The following TXNRD1 variants were observed in gnomAD, a reference collection of about 807,000 sequenced individuals.
The protein encoded by TXNRD1 is thioredoxin reductase 1.
TXNRD1 carries 57 observed loss-of-function variants against 80.3 expected under a neutral mutation model. The observed-to-expected ratio is 0.71, with a 90% CI of 0.57 to 0.89. The LOEUF (loss-of-function observed/expected upper bound fraction) is 0.89, where lower values mean the gene tolerates loss of function less well. Among genes scored for constraint, TXNRD1 ranks in the 40% least tolerant of loss-of-function variants. TXNRD1 has a pLI of 0.00. For missense variants in TXNRD1, 730 were observed against 803.0 expected (o/e 0.91, Z 1.10); for synonymous variants, 291 against 285.2 (o/e 1.02, Z -0.20).
chr12:104,311,044 G>C (rs528626836), intron 4 of TXNRD1, among the ~76,000 whole-genome samples: 1 of 152,294 alleles, frequency 6.6e-6, no homozygotes, highest in African/African-American at 2.4e-5. Flanking sequence ...TACTTATGTA[G>C]AGGTACTATA....
At chr12:104,296,056 G>T (rs1035188673) in intron 4 of TXNRD1, among the ~76,000 whole-genome samples, 1 of 151,996 alleles carries the variant, frequency 6.6e-6, no homozygotes, top group Non-Finnish European at 1.5e-5. Flanking sequence ...GAGAATTTAA[G>T]GAGCATGCCC....
At chr12:104,300,967 G>T (rs909491073) in intron 4 of TXNRD1, among the ~76,000 whole-genome samples, 2 of 152,118 alleles carry the variant, frequency 1.3e-5, no homozygotes, top group Non-Finnish European at 2.9e-5. Context: ...TTTTAAAGGT[G>T]GAACATAATG....
At chr12:104,233,522 C>G (rs566226852) in intron 1 of TXNRD1, among the ~76,000 whole-genome samples, 6 of 152,200 alleles carry the variant, frequency 3.9e-5, no homozygotes, top group South Asian at 2.1e-4. Flanking sequence ...CAGGAGTATA[C>G]CTTACTCATT....
chr12:104,218,691 C>G (rs2032278423), intron 1 of TXNRD1, among the ~76,000 whole-genome samples: 1 of 150,576 alleles, frequency 6.6e-6, no homozygotes, highest in East Asian at 2.0e-4. Flanking sequence ...AATCATAGCT[C>G]ATTGCAGCCT....
chr12:104,273,078 G>C (rs879311503), intron 3 of TXNRD1, among the ~76,000 whole-genome samples: 1 of 152,176 alleles, frequency 6.6e-6, no homozygotes, highest in Non-Finnish European at 1.5e-5. Context: ...TATCTGCAAC[G>C]GGTGGTTGGC....
At chr12:104,335,130 T>C (rs1054035147) in intron 15 of TXNRD1, among the ~76,000 whole-genome samples, 9 of 152,074 alleles carry the variant, frequency 5.9e-5, no homozygotes, top group Non-Finnish European at 1.2e-4. Flanking sequence ...CCCACAGATA[T>C]ACTTTATTCA....
At chr12:104,336,025 T>C (rs572853241) in intron 15 of TXNRD1, among the ~76,000 whole-genome samples, 195 of 152,306 alleles carry the variant, frequency 1.3e-3, no homozygotes, top group Non-Finnish European at 1.9e-3. Flanking sequence ...TTAGGCAAAT[T>C]TTCTCAAAAG....
At chr12:104,248,614 C>G (rs1322510249) in intron 1 of TXNRD1, among the ~76,000 whole-genome samples, 4 of 152,086 alleles carry the variant, frequency 2.6e-5, no homozygotes, top group Non-Finnish European at 5.9e-5. Context: ...TGCTTAGGCC[C>G]ATGCCTTGCA....
At position 104,301,219 on chromosome 12, in the gene TXNRD1, A is replaced by T. The variant is rs2034612964; in HGVS notation, c.415-10071A>T. Reference sequence around the variant, plus strand: ...AGGCATTTTGAAATTCTTAGATGAAAGGGTCTTTATGTAGCAAATTGGTGT... The same window carrying T: ...AGGCATTTTGAAATTCTTAGATGAATGGGTCTTTATGTAGCAAATTGGTGT... On this transcript the variant is annotated intron_variant, in intron 4 of 16. Transcript: ENST00000525566. Among the ~76,000 whole-genome samples the T allele has an allele frequency of 2.0e-5, 3 of 152,308 alleles. No homozygotes were observed. In the South Asian group the frequency reaches 6.2e-4, roughly 32 times the overall value.
chr12:104,304,980 TTAGA>T, intron 4 of TXNRD1: 8 of 1,517,784 alleles, frequency 5.3e-6, no homozygotes, highest in Non-Finnish European at 6.2e-6. Context: ...TTTTCTGAAG[TTAGA>T]TGGAGAGTAA....
chr12:104,302,486 CTTTTTTTT>C (rs772202256), intron 4 of TXNRD1, among the ~76,000 whole-genome samples: 4 of 76,226 alleles, frequency 5.2e-5, no homozygotes, highest in Non-Finnish European at 6.8e-5. Context: ...TATTCATTCC[CTTTTTTTT>C]TTTTTTTTTT....
intron 4 of TXNRD1, among the ~76,000 whole-genome samples, chr12:104,302,370 G>A (rs2034659540): frequency 6.6e-6 from 1 of 150,942 alleles, no homozygotes; most frequent in Non-Finnish European, 1.5e-5. Flanking sequence ...TTGGACAGGT[G>A]CAATTGTGGG....
chr12:104,239,434 A>C (rs1027427480), intron 1 of TXNRD1, among the ~76,000 whole-genome samples: 4 of 152,060 alleles, frequency 2.6e-5, no homozygotes, highest in African/African-American at 9.7e-5. Flanking sequence ...ACCTCAGATG[A>C]TCCTCCTGCC....
intron 4 of TXNRD1, chr12:104,304,833 A>G (rs2034824420): frequency 6.2e-7 from 1 of 1,613,904 alleles, no homozygotes; most frequent in East Asian, 2.2e-5. Flanking sequence ...TCCAGTTGCC[A>G]TGGCAGGAAA....
intron 16 of TXNRD1, among the ~76,000 whole-genome samples, chr12:104,340,461 A>C (rs376875911): frequency 4.6e-5 from 7 of 152,304 alleles, no homozygotes; most frequent in African/African-American, 9.6e-5. Flanking sequence ...CCTCCCTCTC[A>C]GTTCTGGAGG....
At chr12:104,282,926 G>C (rs980503116) in intron 3 of TXNRD1, 4 of 152,144 alleles carry the variant, frequency 2.6e-5, no homozygotes, top group Non-Finnish European at 5.9e-5. Context: ...TGAACTGCTG[G>C]CCTGAAGCAA....
chr12:104,293,774 G>T (rs1214919323), intron 4 of TXNRD1, among the ~76,000 whole-genome samples: 1 of 152,192 alleles, frequency 6.6e-6, no homozygotes, highest in African/African-American at 2.4e-5. Context: ...CTGGGCCCGG[G>T]GGACCGCTAC....
chr12:104,342,287 C>T (rs2036352870), intron 16 of TXNRD1, among the ~76,000 whole-genome samples: 1 of 152,102 alleles, frequency 6.6e-6, no homozygotes, highest in South Asian at 2.1e-4. Flanking sequence ...AGGGCCCCAC[C>T]AAGAGTCACA....
intron 5 of TXNRD1, among the ~76,000 whole-genome samples, chr12:104,311,936 G>T (rs946893737): frequency 6.6e-6 from 1 of 151,852 alleles, no homozygotes; most frequent in South Asian, 2.1e-4. Context: ...AGCTGAGATC[G>T]CACCATTGCA....
Sources: allele counts gnomAD v4.1 joint callset (sites outside exome capture counted in the v4.1 genomes callset), GRCh38; gene constraint gnomAD v4.1.1; transcripts MANE v1.5; gene names NCBI Gene and HGNC (gene_info 2026-07-23, HGNC 2026-07-21).